The following COL22A1 variants were observed in gnomAD, a reference collection of about 807,000 sequenced individuals.
COL22A1 encodes collagen type XXII alpha 1 chain.
COL22A1 carries 221 observed loss-of-function variants against 248.9 expected under a neutral mutation model. The ratio of observed to expected loss-of-function variants is 0.89; its 90% CI spans 0.80 to 0.99. COL22A1 has a LOEUF of 0.99. Ranked by LOEUF, COL22A1 falls within the 50% of genes least tolerant of loss-of-function variation. The probability of loss-of-function intolerance (pLI) is 0.00; values close to 1 mark genes in which losing one functional copy is unlikely to be tolerated. For synonymous variants in COL22A1, 891 were observed against 793.4 expected, an observed-to-expected ratio of 1.12 and a Z score of -2.07; for missense variants, 2,240 against 2,179.0, an observed-to-expected ratio of 1.03 and a Z score of -0.56.
At chr8:138,623,262 A>ATGTGTG (rs5895542) in intron 52 of COL22A1, among the ~76,000 whole-genome samples, 16 of 143,570 alleles carry the variant, frequency 1.1e-4, no homozygotes, top group African/African-American at 4.2e-4. Flanking sequence ...ATATATATTT[A>ATGTGTG]TGTGTGTGTG....
At chr8:138,909,377 T>TC (rs200191842) in intron 1 of COL22A1, among the ~76,000 whole-genome samples, 38 of 146,902 alleles carry the variant, frequency 2.6e-4, no homozygotes, top group African/African-American at 8.3e-4. Flanking sequence ...TGACTTGCCT[T>TC]TTTTTTTTTT....
chr8:138,821,443 C>T, intron 6 of COL22A1, 32 bp from the exon 7 acceptor site: 2 of 1,596,998 alleles, frequency 1.3e-6, no homozygotes, highest in African/African-American at 2.7e-5. Context: ...ACTCCTTGAG[C>T]TTCTTGGGGC....
At chr8:138,786,982 C>T (rs565044061) in intron 12 of COL22A1, among the ~76,000 whole-genome samples, 9 of 152,204 alleles carry the variant, frequency 5.9e-5, no homozygotes, top group Non-Finnish European at 1.3e-4. Context: ...CCAGGAAAGT[C>T]ATTTAACTTC....
At chr8:138,615,240 C>T (rs1474348404) in intron 55 of COL22A1, among the ~76,000 whole-genome samples, 1 of 152,170 alleles carries the variant, frequency 6.6e-6, no homozygotes, top group Non-Finnish European at 1.5e-5. Flanking sequence ...TCAAAATTTC[C>T]CTTGTTCTGG....
chr8:138,752,302 G>C (rs1187023988), intron 21 of COL22A1, among the ~76,000 whole-genome samples: 2 of 152,224 alleles, frequency 1.3e-5, no homozygotes, highest in African/African-American at 4.8e-5. Context: ...AATTTGGCCA[G>C]AAATGCCCTC....
At chr8:138,631,017 C>A (rs78258370) in intron 49 of COL22A1, among the ~76,000 whole-genome samples, 2,597 of 152,240 alleles carry the variant, frequency 0.017, 67 homozygotes, top group African/African-American at 0.059. Flanking sequence ...GTTTAGAAGT[C>A]TAGGACCTCC....
chr8:138,742,421 G>T (rs538681315), intron 22 of COL22A1, among the ~76,000 whole-genome samples: 1 of 151,716 alleles, frequency 6.6e-6, no homozygotes, highest in Non-Finnish European at 1.5e-5. Flanking sequence ...TGTGATGGTG[G>T]AGTTGATGGT....
chr8:138,883,281 A>G, intron 1 of COL22A1, 37 bp from the exon 2 acceptor site: 1 of 1,163,940 alleles, frequency 8.6e-7, no homozygotes, highest in East Asian at 2.6e-5. Flanking sequence ...AAGGCTCTCA[A>G]GCTGAAAGTC....
rs1392514312 is a variant in COL22A1 at position 138,662,571 on chromosome 8, AC to A, written c.3187-489del. ...GCAATTTTCTGGACAACATCAGGAA[AC>A]GGCACAGATATCTTTCATTATGGAT... On this transcript the variant is annotated intron_variant, in intron 42 of 64. Coordinates refer to ENST00000303045, the MANE Select transcript of COL22A1 (RefSeq NM_152888.3). 4.6e-5 allele frequency among the ~76,000 whole-genome samples: 7 copies of A among 152,282 alleles called. No individual in the cohort carries two copies. The East Asian group carries it at 1.4e-3, about 29-fold the overall frequency.
At chr8:138,598,680 C>T (rs199844759) in intron 61 of COL22A1, 39 bp downstream of exon 61, 158 of 1,579,762 alleles carry the variant, frequency 1.0e-4, no homozygotes, top group Middle Eastern at 2.2e-4. Context: ...CCTTAGGCCC[C>T]GAGGAGCCCC....
intron 10 of COL22A1, among the ~76,000 whole-genome samples, chr8:138,805,491 TGG>T (rs1016598802): frequency 2.3e-5 from 3 of 130,394 alleles, no homozygotes; most frequent in Non-Finnish European, 4.9e-5. Context: ...TGGCATGTGA[TGG>T]TGTGTGTGTG....
At chr8:138,815,986 A>C (rs1272392051) in intron 7 of COL22A1, among the ~76,000 whole-genome samples, 1 of 152,174 alleles carries the variant, frequency 6.6e-6, no homozygotes, top group Non-Finnish European at 1.5e-5. Flanking sequence ...AAACAATAAC[A>C]ATACCATTCA....
intron 32 of COL22A1, among the ~76,000 whole-genome samples, chr8:138,697,525 C>T (rs565324118): frequency 6.6e-6 from 1 of 152,204 alleles, no homozygotes; most frequent in African/African-American, 2.4e-5. Context: ...GATATGCACA[C>T]CATCAAACAG....
intron 56 of COL22A1, among the ~76,000 whole-genome samples, chr8:138,608,919 C>T (rs1259954676): frequency 2.0e-5 from 3 of 152,192 alleles, no homozygotes; most frequent in Admixed American, 6.5e-5. Flanking sequence ...GAGAGAGCCT[C>T]CTTGTGTGTC....
At chr8:138,686,660 C>G (rs1486184947) in intron 37 of COL22A1, among the ~76,000 whole-genome samples, 2 of 152,120 alleles carry the variant, frequency 1.3e-5, no homozygotes, top group Non-Finnish European at 2.9e-5. Flanking sequence ...CAGCCTGGGC[C>G]TCTGCTCAGC....
intron 16 of COL22A1, among the ~76,000 whole-genome samples, chr8:138,767,402 C>T (rs779080652): frequency 2.0e-5 from 3 of 152,158 alleles, no homozygotes; most frequent in Non-Finnish European, 4.4e-5. Flanking sequence ...GATTCTAATC[C>T]TGACTCTGTT....
chr8:138,883,726 T>TTA, intron 1 of COL22A1, among the ~76,000 whole-genome samples: 1 of 149,994 alleles, frequency 6.7e-6, no homozygotes, highest in African/African-American at 2.5e-5. Flanking sequence ...ACATATTCGC[T>TTA]CTCCTGCCAC....
intron 16 of COL22A1, among the ~76,000 whole-genome samples, chr8:138,773,481 C>A (rs561324484): frequency 6.6e-6 from 1 of 152,230 alleles, no homozygotes; most frequent in Non-Finnish European, 1.5e-5. Context: ...ATTGTCCTTA[C>A]AGGGGATCTG....
At chr8:138,673,011 T>G (rs533434973) in intron 41 of COL22A1, among the ~76,000 whole-genome samples, 106 of 152,262 alleles carry the variant, frequency 7.0e-4, no homozygotes, top group African/African-American at 2.4e-3. Flanking sequence ...TTTTTGTTTG[T>G]TTGTTAATAT....
Sources: allele counts gnomAD v4.1 joint callset (sites outside exome capture counted in the v4.1 genomes callset), GRCh38; gene constraint gnomAD v4.1.1; transcripts MANE v1.5; gene names NCBI Gene and HGNC (gene_info 2026-07-23, HGNC 2026-07-21).